SEMA6D: variants seen among roughly 807,000 people sequenced by gnomAD.
SEMA6D encodes the protein semaphorin 6D, also known as semaphorin-6D.
SEMA6D carries 35 observed loss-of-function variants against 106.6 expected under a neutral mutation model. The observed-to-expected ratio is 0.33, with a 90% CI of 0.25 to 0.44. SEMA6D has a LOEUF of 0.44. Ranked by LOEUF, SEMA6D falls within the 20% of genes least tolerant of loss-of-function variation. The pLI is 1.00. For synonymous variants in SEMA6D, 499 were observed against 487.7 expected (o/e 1.02, Z -0.31); for missense variants, 1,185 against 1,345.9 (o/e 0.88, Z 1.87).
intron 2 of SEMA6D, among the ~76,000 whole-genome samples, chr15:47,420,878 CA>C (rs1024555016): frequency 6.6e-6 from 1 of 151,812 alleles, no homozygotes; most frequent in Non-Finnish European, 1.5e-5. Flanking sequence ...TTCTCTAGAA[CA>C]AAAAAATGTA....
intron 3 of SEMA6D, among the ~76,000 whole-genome samples, chr15:47,564,927 C>G (rs1420717860): frequency 6.6e-6 from 1 of 152,122 alleles, no homozygotes; most frequent in African/African-American, 2.4e-5. Context: ...GACAGTGTAA[C>G]TTCAGAAAAG....
intron 1 of SEMA6D, among the ~76,000 whole-genome samples, chr15:47,288,706 G>T (rs1280595930): frequency 6.6e-6 from 1 of 152,100 alleles, no homozygotes; most frequent in African/African-American, 2.4e-5. Context: ...ATGATTTTGT[G>T]CACTTTTGCA....
At chr15:47,379,979 A>C (rs913756617) in intron 1 of SEMA6D, among the ~76,000 whole-genome samples, 4 of 151,808 alleles carry the variant, frequency 2.6e-5, no homozygotes, top group African/African-American at 2.4e-5. Context: ...CTGGTCTTGA[A>C]CTCCGGACCT....
intron 4 of SEMA6D, among the ~76,000 whole-genome samples, chr15:47,616,028 C>T (rs1262597945): frequency 6.6e-6 from 1 of 152,192 alleles, no homozygotes; most frequent in Non-Finnish European, 1.5e-5. Flanking sequence ...TGTAAATTAG[C>T]TGCATCCACT....
At chr15:47,628,197 A>G (rs1208878629) in intron 4 of SEMA6D, among the ~76,000 whole-genome samples, 1 of 152,112 alleles carries the variant, frequency 6.6e-6, no homozygotes, top group Non-Finnish European at 1.5e-5. Context: ...CTATTATAAT[A>G]CTATTATTAT....
chr15:47,239,615 C>T (rs753832105), intron 1 of SEMA6D, among the ~76,000 whole-genome samples: 3 of 152,170 alleles, frequency 2.0e-5, no homozygotes, highest in Non-Finnish European at 2.9e-5. Flanking sequence ...TCAAATCCTT[C>T]TGTGTCCACT....
intron 1 of SEMA6D, among the ~76,000 whole-genome samples, chr15:47,340,102 C>T (rs1392055197): frequency 6.6e-6 from 1 of 152,078 alleles, no homozygotes; most frequent in Non-Finnish European, 1.5e-5. Context: ...ACATTAGGAG[C>T]AAAGGCCATG....
At chr15:47,519,359 G>A (rs1000523257) in intron 3 of SEMA6D, among the ~76,000 whole-genome samples, 4 of 152,022 alleles carry the variant, frequency 2.6e-5, no homozygotes, top group Admixed American at 6.6e-5. Flanking sequence ...GAAATTCTTC[G>A]GCTCCGTTAT....
intron 2 of SEMA6D, among the ~76,000 whole-genome samples, chr15:47,418,828 A>C (rs558099755): frequency 6.6e-6 from 1 of 152,274 alleles, no homozygotes; most frequent in South Asian, 2.1e-4. Flanking sequence ...CTGTAAGAAC[A>C]GGAAAGGTGT....
At chr15:47,264,863 G>A (rs1021731360) in intron 1 of SEMA6D, among the ~76,000 whole-genome samples, 5 of 151,868 alleles carry the variant, frequency 3.3e-5, no homozygotes, top group African/African-American at 1.2e-4. Flanking sequence ...TGTGATTTTT[G>A]AGATAATCTT....
intron 3 of SEMA6D, among the ~76,000 whole-genome samples, chr15:47,596,033 T>A (rs1009012508): frequency 1.3e-5 from 2 of 152,016 alleles, no homozygotes; most frequent in Non-Finnish European, 2.9e-5. Flanking sequence ...ATCCTATGTA[T>A]AGAAAACCCT....
chr15:47,186,139 A>G (rs964100348), intron 1 of SEMA6D, among the ~76,000 whole-genome samples: 1 of 152,174 alleles, frequency 6.6e-6, no homozygotes, highest in African/African-American at 2.4e-5. Context: ...TGTAAATCCC[A>G]GTAGTTACTA....
intron 4 of SEMA6D, among the ~76,000 whole-genome samples, chr15:47,644,782 A>C (rs2077550923): frequency 1.3e-5 from 2 of 152,192 alleles, no homozygotes; most frequent in Non-Finnish European, 2.9e-5. Flanking sequence ...CACCAAACAA[A>C]CTAAGACAGG....
chr15:47,766,647 G>A lies in SEMA6D; in HGVS notation c.1678G>A (p.Gly560Ser), dbSNP rs568761262. ...AEGYEQDTEF[G>S]NTAHLGDCHE... ...AGGATATGAACAAGACACAGAATTC[G>A]GCAACACAGCTCATCTAGGGGACTG... Residue 560 changes from glycine to serine, a missense_variant, in exon 16 of 19, where the codon GGC (glycine) becomes AGC (serine). By Grantham distance (56) the Gly-to-Ser change is moderately conservative. Transcript: ENST00000536845. The A allele has an allele frequency of 1.7e-5, 28 of 1,612,506 alleles. No individual in the cohort carries two copies. The highest frequency in any genetic ancestry group is 8.0e-5 in the African/African-American group (6 of 74,938).
intron 1 of SEMA6D, among the ~76,000 whole-genome samples, chr15:47,224,081 G>A (rs572077186): frequency 1.1e-4 from 17 of 151,320 alleles, no homozygotes; most frequent in African/African-American, 3.9e-4. Flanking sequence ...TGGGTGCAGC[G>A]CACCAGCATG....
intron 3 of SEMA6D, among the ~76,000 whole-genome samples, chr15:47,596,142 C>G (rs1175655091): frequency 6.6e-6 from 1 of 151,990 alleles, no homozygotes; most frequent in East Asian, 1.9e-4. Flanking sequence ...TTTCTATACA[C>G]TAACAACAAA....
At chr15:47,271,363 C>T (rs2034557468) in intron 1 of SEMA6D, among the ~76,000 whole-genome samples, 1 of 152,078 alleles carries the variant, frequency 6.6e-6, no homozygotes, top group African/African-American at 2.4e-5. Context: ...TGGGTCTTAC[C>T]TGGGAATATG....
chr15:47,414,108 A>G (rs190758458), intron 2 of SEMA6D, among the ~76,000 whole-genome samples: 3 of 152,316 alleles, frequency 2.0e-5, no homozygotes, highest in African/African-American at 7.2e-5. Context: ...TGGAAGATGC[A>G]TTACCTAAAC....
intron 1 of SEMA6D, among the ~76,000 whole-genome samples, chr15:47,718,055 A>G (rs572556828): frequency 1.3e-5 from 2 of 152,240 alleles, no homozygotes; most frequent in African/African-American, 4.8e-5. Context: ...TTGGAAAAAA[A>G]GCGGAGGGGG....
Sources: gnomAD v4.1 joint callset for allele counts (sites outside exome capture counted in the v4.1 genomes callset) on GRCh38, gnomAD v4.1.1 for gene constraint, MANE v1.5 for transcripts, NCBI Gene and HGNC (gene_info 2026-07-23, HGNC 2026-07-21) for gene names.